Variants in CAMTA1 observed in about 807,000 individuals in gnomAD.
CAMTA1 encodes the protein calmodulin-binding transcription activator 1.
Under a neutral mutation model 170.9 loss-of-function variants are expected in CAMTA1, and 27 were observed. The observed-to-expected ratio is 0.16, with a 90% CI of 0.12 to 0.22. CAMTA1 has a LOEUF of 0.22. Among genes scored for constraint, CAMTA1 ranks in the 10% least tolerant of loss-of-function variants. The pLI, the probability that CAMTA1 is intolerant of heterozygous loss-of-function variation, is 1.00. For missense variants in CAMTA1, 1,619 were observed against 2,217.2 expected (o/e 0.73, Z 5.42); for synonymous variants, 833 against 891.5 (o/e 0.93, Z 1.17).
At position 6,971,246 on chromosome 1, in the gene CAMTA1, C is replaced by T. The variant is rs550472860; in HGVS notation, c.235-120058C>T. Among the ~76,000 whole-genome samples the T allele has an allele frequency of 2.8e-4, 43 of 152,296 alleles. No individual in the cohort carries two copies. The highest frequency in any genetic ancestry group is 5.3e-4 in the Non-Finnish European group (36 of 68,024). On this transcript the variant is annotated intron_variant, in intron 3 of 22. Coordinates refer to ENST00000303635, the MANE Select transcript of CAMTA1 (RefSeq NM_015215.4). The surrounding 1 kb of genome is among the most constrained non-coding windows in gnomAD (Gnocchi z 4.6). The stretch of plus-strand genomic sequence containing the variant: ...TCCCCACTCCTGATGAGTAATTACA[C>T]GTGGCTGTCTGGGAGTGGGAGTATT...
Position 7,224,217 on chromosome 1 carries a change from G to T in CAMTA1, c.303-25274G>T, listed in dbSNP as rs1208993806. On this transcript the variant is annotated intron_variant, in intron 4 of 22. Transcript: ENST00000303635. This position sits in a 1 kb window ranked among gnomAD's most constrained non-coding sequence, Gnocchi z 5.2. ...CAGGTGGAGGCCTTAGGTCTTGTCA[G>T]TCTCCTTTTACTGCAGGAGAGGCTG... Among the ~76,000 whole-genome samples, 1 of 152,216 alleles carries T rather than the reference G, an allele frequency of 6.6e-6. No individual in the cohort carries two copies. Among genetic ancestry groups the T allele is most frequent in the African/African-American group, 2.4e-5 (1 of 41,468 alleles).
Position 7,173,579 on chromosome 1 carries a change from G to T in CAMTA1, c.303-75912G>T, listed in dbSNP as rs1178091196. Among the ~76,000 whole-genome samples the T allele has an allele frequency of 6.6e-6, 1 of 152,032 alleles. No individual in the cohort carries two copies. The highest frequency in any genetic ancestry group is 6.6e-5 in the Admixed American group (1 of 15,256). The stretch of plus-strand genomic sequence containing the variant: ...ATTTTGTATTTTTAGTAGAGATGGG[G>T]TTTTTCCATGTTGGCCAGGCTGGTC... On this transcript the variant is annotated intron_variant, in intron 4 of 22. Transcript: ENST00000303635. This position sits in a 1 kb window ranked among gnomAD's most constrained non-coding sequence, Gnocchi z 5.4.
chr1:7,070,247 C>T (rs779822856), intron 3 of CAMTA1, among the ~76,000 whole-genome samples: 2 of 152,202 alleles, frequency 1.3e-5, no homozygotes, highest in Non-Finnish European at 2.9e-5. Context: ...ATCGCAGCTA[C>T]GGAGGGGCCA....
intron 5 of CAMTA1, among the ~76,000 whole-genome samples, chr1:7,351,512 C>T (rs975742114): frequency 1.3e-5 from 2 of 152,176 alleles, no homozygotes; most frequent in East Asian, 1.9e-4. Flanking sequence ...AGCAGCAGGT[C>T]GGGGGACCTC....
chr1:7,407,654 G>A (rs1396088980), intron 5 of CAMTA1, among the ~76,000 whole-genome samples: 1 of 152,178 alleles, frequency 6.6e-6, no homozygotes, highest in Non-Finnish European at 1.5e-5. Flanking sequence ...AAAGCCCTTT[G>A]ATTTGCACTG....
intron 4 of CAMTA1, among the ~76,000 whole-genome samples, chr1:7,099,817 G>C (rs747254219): frequency 5.3e-5 from 8 of 152,224 alleles, no homozygotes; most frequent in Non-Finnish European, 7.3e-5. Flanking sequence ...AGGGCGAGGG[G>C]CTGGGAATGT....
Position 7,001,228 on chromosome 1 carries a change from A to G in CAMTA1, c.235-90076A>G, listed in dbSNP as rs146110790. Among the ~76,000 whole-genome samples the G allele has an allele frequency of 3.6e-4, 55 of 152,278 alleles. No individual in the cohort carries two copies. The East Asian group carries it at 9.8e-3, about 27-fold the overall frequency. On this transcript the variant is annotated intron_variant, in intron 3 of 22. Transcript: ENST00000303635. ...TCACCATTTCATAATCACCAACTCT[A>G]TAAACTCCAGGAGGATAGGAGTTTG...
At chr1:7,746,585 G>A (rs1354642900) in intron 18 of CAMTA1, among the ~76,000 whole-genome samples, 3 of 152,190 alleles carry the variant, frequency 2.0e-5, no homozygotes, top group Admixed American at 1.3e-4. Context: ...GCCCATCCAT[G>A]GTTAGGCCAG....
intron 6 of CAMTA1, among the ~76,000 whole-genome samples, chr1:7,552,963 C>T (rs896168309): frequency 3.9e-5 from 6 of 152,198 alleles, no homozygotes; most frequent in African/African-American, 1.4e-4. Flanking sequence ...GGCAAACCTT[C>T]CCCCAACAGC....
At chr1:7,695,300 T>A (rs2096363901) in intron 11 of CAMTA1, among the ~76,000 whole-genome samples, 1 of 152,104 alleles carries the variant, frequency 6.6e-6, no homozygotes, top group Non-Finnish European at 1.5e-5. Context: ...AAGAGCGAGC[T>A]CTGAGCAGAG....
chr1:7,576,717 C>T (rs78696802), intron 6 of CAMTA1, among the ~76,000 whole-genome samples: 3,080 of 152,164 alleles, frequency 0.02, 114 homozygotes, highest in African/African-American at 0.071. Flanking sequence ...AGATGCCACA[C>T]GGTGGAGAGT....
chr1:7,123,287 G>A lies in CAMTA1; in HGVS notation c.302+31916G>A, dbSNP rs138165401. 7.6e-3 allele frequency among the ~76,000 whole-genome samples: 1,156 copies of A among 152,094 alleles called. 8 individuals carry two copies. The highest frequency in any genetic ancestry group is 9.6e-3 in the African/African-American group (399 of 41,470). ...GCCTGTCGGTGGCTGTCTCTTTCTC[G>A]TGTCTTCATGTCATCTTCCCTTTGA... On this transcript the variant is annotated intron_variant, in intron 4 of 22. Transcript: ENST00000303635.
chr1:6,812,138 T>C (rs1341608700), intron 1 of CAMTA1, among the ~76,000 whole-genome samples: 5 of 152,212 alleles, frequency 3.3e-5, no homozygotes, highest in Non-Finnish European at 7.3e-5. Context: ...GCATCGTACT[T>C]ACTTTTTCTG....
At chr1:7,107,190 G>A (rs1445559870) in intron 4 of CAMTA1, among the ~76,000 whole-genome samples, 1 of 152,040 alleles carries the variant, frequency 6.6e-6, no homozygotes, top group Non-Finnish European at 1.5e-5. Context: ...GGAAAGACAA[G>A]TCACACATAT....
intron 3 of CAMTA1, among the ~76,000 whole-genome samples, chr1:7,071,805 A>C (rs1236633246): frequency 1.3e-5 from 2 of 152,176 alleles, no homozygotes; most frequent in Non-Finnish European, 2.9e-5. Context: ...AAAACAAAGG[A>C]TTTGGGCCAT....
intron 6 of CAMTA1, among the ~76,000 whole-genome samples, chr1:7,517,778 T>C (rs2094306809): frequency 6.6e-6 from 1 of 151,894 alleles, no homozygotes; most frequent in African/African-American, 2.4e-5. Flanking sequence ...ACGATATCCA[T>C]TCAGTCCTGG....
At chr1:7,575,454 G>A (rs1332714229) in intron 6 of CAMTA1, among the ~76,000 whole-genome samples, 2 of 152,210 alleles carry the variant, frequency 1.3e-5, no homozygotes, top group Admixed American at 1.3e-4. Flanking sequence ...GCAGAATCCA[G>A]TTTACAGAAC....
intron 3 of CAMTA1, among the ~76,000 whole-genome samples, chr1:6,872,288 T>TTGC (rs1162403804): frequency 6.6e-6 from 1 of 151,272 alleles, no homozygotes; most frequent in Non-Finnish European, 1.5e-5. Flanking sequence ...GCAGAGTAAC[T>TTGC]TATCTTTCTT....
chr1:6,973,498 T>C (rs554404780), intron 3 of CAMTA1, among the ~76,000 whole-genome samples: 2 of 152,354 alleles, frequency 1.3e-5, no homozygotes, highest in East Asian at 3.9e-4. Context: ...CATGTGTATA[T>C]CCCACGCTCC....
Sources: gnomAD v4.1 joint callset for allele counts (sites outside exome capture counted in the v4.1 genomes callset) on GRCh38, gnomAD v4.1.1 for gene constraint, Gnocchi (gnomAD v3.1) non-coding constraint, MANE v1.5 for transcripts, NCBI Gene and HGNC (gene_info 2026-07-23, HGNC 2026-07-21) for gene names.